Variants in PARPBP observed in about 807,000 individuals in gnomAD.
The protein encoded by PARPBP is PCNA-interacting partner.
In PARPBP, 52 loss-of-function variants were observed where a neutral mutation model predicts 50.0. The observed-to-expected ratio is 1.04, with a 90% confidence interval of 0.83 to 1.31. PARPBP has a LOEUF of 1.31. PARPBP is among the 50% of genes most tolerant of loss of function. The pLI, the probability that PARPBP is intolerant of heterozygous loss-of-function variation, is 0.00. For synonymous variants in PARPBP, 244 were observed against 232.1 expected (o/e 1.05, Z -0.47); for missense variants, 697 against 672.0 (o/e 1.04, Z -0.41).
rs569075747 is a variant in PARPBP, at chr12:102,146,804, C to T, written c.154-1426C>T. 1.3e-3 allele frequency among the ~76,000 whole-genome samples: 194 copies of T among 152,098 alleles called. No homozygotes were observed. The East Asian group carries it at 0.017, about 13-fold the overall frequency. On this transcript the variant is annotated intron_variant, in intron 2 of 10. Coordinates refer to ENST00000327680, the MANE Select transcript of PARPBP (RefSeq NM_017915.5). ...CAACCTACAAAATGGGAGAAAATTTCCGCAACCTACTCATCTGACAAAGGG... is the reference window on the plus strand; with the variant it reads ...CAACCTACAAAATGGGAGAAAATTTTCGCAACCTACTCATCTGACAAAGGG...
At chr12:102,170,129 T>A (rs904491520) in intron 6 of PARPBP, among the ~76,000 whole-genome samples, 2 of 152,232 alleles carry the variant, frequency 1.3e-5, no homozygotes, top group Non-Finnish European at 2.9e-5. Context: ...ATAAAATGCA[T>A]AGTGTACTTT....
chr12:102,148,352 G>T lies in PARPBP; in HGVS notation c.276G>T (p.Arg92Ser). ...MDVTDHYEDV[R>S]KIYDDFLKNS... ...TGACTGACCATTATGAGGACGTTAG[G>T]AAGATTTATGATGATTTCTTGAAGA... Residue 92 changes from arginine to serine, a missense_variant, in exon 3 of 11, where the codon AGG (arginine) becomes AGT (serine). Coordinates refer to ENST00000327680, the MANE Select transcript of PARPBP (RefSeq NM_017915.5). 6.3e-7 allele frequency: 1 copy of T among 1,586,380 alleles called. No individual in the cohort carries two copies. The highest frequency in any genetic ancestry group is 8.7e-7 in the Non-Finnish European group (1 of 1,155,160).
chr12:102,168,452 A>G (rs529970558), intron 6 of PARPBP, among the ~76,000 whole-genome samples: 31 of 152,274 alleles, frequency 2.0e-4, no homozygotes, highest in Non-Finnish European at 2.8e-4. Flanking sequence ...TCAACTGGGT[A>G]TCTGAATAGT....
At chr12:102,178,191 T>TGATCGTTACAGTCA (rs1391271791) in intron 7 of PARPBP, among the ~76,000 whole-genome samples, 1 of 152,208 alleles carries the variant, frequency 6.6e-6, no homozygotes, top group African/African-American at 2.4e-5. Context: ...TTTTTGCATT[T>TGATCGTTACAGTCA]GATCGTTACA....
chr12:102,122,565 A>G (rs1042634158), intron 1 of PARPBP, among the ~76,000 whole-genome samples: 2 of 152,254 alleles, frequency 1.3e-5, no homozygotes, highest in African/African-American at 4.8e-5. Flanking sequence ...AAAGTAGGAA[A>G]AAAACTTTTA....
At chr12:102,143,669 A>G (rs1158918026) in intron 2 of PARPBP, among the ~76,000 whole-genome samples, 2 of 152,212 alleles carry the variant, frequency 1.3e-5, no homozygotes, top group African/African-American at 4.8e-5. Context: ...ACGTCATTAT[A>G]TGGCGAATGT....
intron 6 of PARPBP, among the ~76,000 whole-genome samples, chr12:102,166,099 A>G (rs575495499): frequency 6.6e-6 from 1 of 152,296 alleles, no homozygotes; most frequent in African/African-American, 2.4e-5. Context: ...AGTCACATCC[A>G]TACTAAATTT....
At chr12:102,171,042 A>C (rs1888664258) in intron 6 of PARPBP, among the ~76,000 whole-genome samples, 1 of 151,842 alleles carries the variant, frequency 6.6e-6, no homozygotes, top group South Asian at 2.1e-4. Context: ...CCCACTGGAA[A>C]ATCTTCAGGA....
chr12:102,194,811 C>G (rs934768678), intron 9 of PARPBP, among the ~76,000 whole-genome samples: 4 of 151,556 alleles, frequency 2.6e-5, no homozygotes, highest in African/African-American at 7.3e-5. Context: ...TTGCTAGTTT[C>G]CTGTTTTTGA....
At chr12:102,195,613 A>G (rs1168181587) in intron 10 of PARPBP, among the ~76,000 whole-genome samples, 166 bp downstream of exon 10, 1 of 151,758 alleles carries the variant, frequency 6.6e-6, no homozygotes, top group Non-Finnish European at 1.5e-5. Flanking sequence ...GTACAAATTT[A>G]TCGATAGGAA....
intron 2 of PARPBP, among the ~76,000 whole-genome samples, chr12:102,134,884 C>T (rs1883392111): frequency 6.6e-6 from 1 of 152,120 alleles, no homozygotes; most frequent in South Asian, 2.1e-4. Flanking sequence ...CTCCATGTTG[C>T]CCAGGCTGGT....
At chr12:102,183,078 T>A (rs1889989322) in intron 9 of PARPBP, among the ~76,000 whole-genome samples, 2 of 152,200 alleles carry the variant, frequency 1.3e-5, no homozygotes, top group Admixed American at 1.3e-4. Flanking sequence ...CTAGAACTGT[T>A]CCTGTTCTTT....
intron 10 of PARPBP, 115 bp from the exon 11 acceptor site, chr12:102,195,836 T>G (rs527249082): frequency 3.6e-5 from 23 of 645,472 alleles, no homozygotes; most frequent in Non-Finnish European, 6.0e-5. Context: ...TAGCATTATT[T>G]TACTTTAAAA....
intron 2 of PARPBP, among the ~76,000 whole-genome samples, chr12:102,144,786 C>T (rs1322963895): frequency 6.6e-6 from 1 of 152,072 alleles, no homozygotes; most frequent in Non-Finnish European, 1.5e-5. Flanking sequence ...ATTTACATAG[C>T]ATTTGGAAAT....
chr12:102,178,449 G>A, intron 7 of PARPBP, 143 bp from the exon 8 acceptor site: 1 of 452,930 alleles, frequency 2.2e-6, no homozygotes, highest in Non-Finnish European at 3.8e-6. Flanking sequence ...ATGGTCACAT[G>A]CCTCACAGCC....
chr12:102,146,595 AC>A (rs1182507332), intron 2 of PARPBP, among the ~76,000 whole-genome samples: 1 of 152,210 alleles, frequency 6.6e-6, no homozygotes, highest in Non-Finnish European at 1.5e-5. Context: ...TAAACGTTAG[AC>A]CTAAAACCAT....
intron 9 of PARPBP, among the ~76,000 whole-genome samples, chr12:102,189,671 A>G (rs1890619910): frequency 6.6e-6 from 1 of 152,132 alleles, no homozygotes; most frequent in South Asian, 2.1e-4. Context: ...ACTGATGATG[A>G]AAGTATTAAA....
intron 1 of PARPBP, among the ~76,000 whole-genome samples, chr12:102,123,094 A>G (rs529586351): frequency 6.6e-6 from 1 of 152,296 alleles, no homozygotes; most frequent in Admixed American, 6.5e-5. Context: ...TGAAATGTCT[A>G]CCAGGGAAGC....
intron 2 of PARPBP, among the ~76,000 whole-genome samples, chr12:102,144,595 G>C (rs1177163901): frequency 6.6e-6 from 1 of 152,078 alleles, no homozygotes; most frequent in African/African-American, 2.4e-5. Flanking sequence ...TTTCTCACAA[G>C]ATCAAGAGCT....
Sources: gnomAD v4.1 joint callset for allele counts (sites outside exome capture counted in the v4.1 genomes callset) on GRCh38, gnomAD v4.1.1 for gene constraint, MANE v1.5 for transcripts, NCBI Gene and HGNC (gene_info 2026-07-23, HGNC 2026-07-21) for gene names.